The following EVI5L variants were observed in gnomAD, a reference collection of about 807,000 sequenced individuals.
EVI5L encodes EVI5-like protein.
A neutral mutation model predicts 106.1 loss-of-function variants in EVI5L; 30 were observed. The observed-to-expected ratio is 0.28, with a 90% CI of 0.21 to 0.38. EVI5L has a LOEUF of 0.38. EVI5L is among the 10% of genes least tolerant of loss of function. The probability of loss-of-function intolerance (pLI) is 1.00; values close to 1 mark genes in which losing one functional copy is unlikely to be tolerated. For synonymous variants in EVI5L, 489 were observed against 483.3 expected, an observed-to-expected ratio of 1.01 and a Z score of -0.15; for missense variants, 809 against 1,098.0, an observed-to-expected ratio of 0.74 and a Z score of 3.72.
chr19:7,833,555 G>A (rs146270664), intron 1 of EVI5L, among the ~76,000 whole-genome samples: 36 of 152,374 alleles, frequency 2.4e-4, no homozygotes, highest in Non-Finnish European at 4.6e-4. Context: ...GGAAGGCACA[G>A]CAGGGATGAC....
chr19:7,862,281 G>A lies in EVI5L; in HGVS notation c.1800+4G>A. Reference sequence around the variant, plus strand: ...CGTGGTGGAACTTGAGACGCAGGTGGACTCGGGGGGCCTGCTCGTTGGGGA... The same window carrying A: ...CGTGGTGGAACTTGAGACGCAGGTGAACTCGGGGGGCCTGCTCGTTGGGGA... On this transcript the variant is annotated splice_donor_region_variant and intron_variant, in intron 16 of 19. Transcript: ENST00000538904. 6.3e-7 allele frequency: 1 copy of A among 1,582,692 alleles called. No individual in the cohort carries two copies.
chr19:7,843,510 A>AGTGT (rs774352688), intron 1 of EVI5L, among the ~76,000 whole-genome samples: 1 of 50,214 alleles, frequency 2.0e-5, no homozygotes. Context: ...TAGGTGTATG[A>AGTGT]GTGTGTGTGA....
rs866587091 is a variant in EVI5L, at chr19:7,852,956, C to T, written c.988-130C>T. Reference sequence around the variant, plus strand: ...CATTGCTCCACAAACACTGAGGACACGGCGTTGAGGACATGGCGACACCCC... The same window carrying T: ...CATTGCTCCACAAACACTGAGGACATGGCGTTGAGGACATGGCGACACCCC... On this transcript the variant is annotated intron_variant, in intron 8 of 19. Transcript: ENST00000538904. 136 of 783,644 alleles carry T rather than the reference C, an allele frequency of 1.7e-4. 1 individual carries two copies. The Middle Eastern group carries it at 3.2e-3, about 19-fold the overall frequency. 48.5% of individuals were successfully genotyped at this position (783,644 alleles called of 1,614,324 possible). A position where few individuals can be genotyped will look rare whatever the true frequency, so the allele number is the denominator to read the frequency against.
Position 7,850,149 on chromosome 19 carries a change from C to G in EVI5L, c.753+27C>G. On this transcript the variant is annotated intron_variant, in intron 6 of 19. Transcript: ENST00000538904. The surrounding 1 kb of genome is among the most constrained non-coding windows in gnomAD (Gnocchi z 5.4). ...TGAGCAGGGCCGCAGGAGAGCAGGGCTGCAGGAGGGCAGGGCCACAGGTGG... is the reference window on the plus strand; with the variant it reads ...TGAGCAGGGCCGCAGGAGAGCAGGGGTGCAGGAGGGCAGGGCCACAGGTGG... 8 of 1,590,218 alleles carry G rather than the reference C, an allele frequency of 5.0e-6. No individual in the cohort carries two copies. The highest frequency in any genetic ancestry group is 6.8e-6 in the Non-Finnish European group (8 of 1,169,258).
At chr19:7,862,896 C>A (rs1347294320) in intron 17 of EVI5L, 76 bp from the exon 18 acceptor site, 35 of 1,104,994 alleles carry the variant, frequency 3.2e-5, no homozygotes, top group Admixed American at 9.4e-5. Flanking sequence ...CTCATTCGCC[C>A]CTGCCCGCGG....
In EVI5L at chr19:7,862,654, G is replaced by A. The variant is rs1240926911; in HGVS notation, c.1947+120G>A. ...TGCCTCCCGATCTGCCCCTGCCCGC[G>A]GTCCTCCCGCCCCCGCCCGCGGCCC... On this transcript the variant is annotated intron_variant, in intron 17 of 19. Transcript: ENST00000538904. The A allele has an allele frequency of 5.5e-6, 5 of 903,002 alleles. No individual in the cohort carries two copies. In the African/African-American group the frequency reaches 7.9e-5, roughly 14 times the overall value. The allele number at this position is 903,002 out of a possible 1,614,324, so 55.9% of individuals were successfully genotyped here.
At chr19:7,849,891 G>A in intron 5 of EVI5L, 106 bp from the exon 6 acceptor site, 2 of 860,570 alleles carry the variant, frequency 2.3e-6, no homozygotes, top group Non-Finnish European at 3.6e-6. Context: ...AGGGAGCCAG[G>A]TACCGACATG....
chr19:7,848,289 T>C lies in EVI5L; in HGVS notation c.327+368T>C, dbSNP rs529937515. Among the ~76,000 whole-genome samples the C allele has an allele frequency of 6.6e-6, 1 of 151,630 alleles. No homozygotes were observed. Among genetic ancestry groups the C allele is most frequent in the Non-Finnish European group, 1.5e-5 (1 of 67,898 alleles). ...GCAACGTAATGAGACTCCGACTCTA[T>C]AAAAAGTTTAAAAATTAGCCAGGTA... On this transcript the variant is annotated intron_variant, in intron 3 of 19. Coordinates refer to ENST00000538904, the MANE Select transcript of EVI5L (RefSeq NM_001159944.3). This position sits in a 1 kb window ranked among gnomAD's most constrained non-coding sequence, Gnocchi z 4.8.
Position 7,848,338 on chromosome 19 carries a change from T to C in EVI5L, c.327+417T>C, listed in dbSNP as rs1448790214. Reference sequence around the variant, plus strand: ...TAGGCCGGGCGCAGTGGCTCACGCCTGTAATCCCAGTTCGTTGGAAGGTCG... The same window carrying C: ...TAGGCCGGGCGCAGTGGCTCACGCCCGTAATCCCAGTTCGTTGGAAGGTCG... On this transcript the variant is annotated intron_variant, in intron 3 of 19. Coordinates refer to ENST00000538904, the MANE Select transcript of EVI5L (RefSeq NM_001159944.3). This position sits in a 1 kb window ranked among gnomAD's most constrained non-coding sequence, Gnocchi z 4.8. Among the ~76,000 whole-genome samples the C allele has an allele frequency of 6.6e-6, 1 of 152,130 alleles. No individual in the cohort carries two copies. Among genetic ancestry groups the C allele is most frequent in the Non-Finnish European group, 1.5e-5 (1 of 68,034 alleles).
Position 7,850,163 on chromosome 19 carries a change from G to A in EVI5L, c.753+41G>A. On this transcript the variant is annotated intron_variant, in intron 6 of 19. Coordinates refer to ENST00000538904, the MANE Select transcript of EVI5L (RefSeq NM_001159944.3). The surrounding 1 kb of genome is among the most constrained non-coding windows in gnomAD (Gnocchi z 5.4). ...GGAGAGCAGGGCTGCAGGAGGGCAG[G>A]GCCACAGGTGGGCAGGGCCGCAAGG... The A allele has an allele frequency of 6.3e-7, 1 of 1,578,466 alleles. No individual in the cohort carries two copies. The highest frequency in any genetic ancestry group is 1.2e-5 in the South Asian group (1 of 86,928).
At position 7,861,954 on chromosome 19, in the gene EVI5L, G is replaced by T. The variant is rs932460134; in HGVS notation, c.1580G>T (p.Gly527Val). The change falls in exon 15 of 20, where the codon GGC (glycine) becomes GTC (valine). Residue 527 changes from glycine (G) to valine (V), a missense_variant. Physicochemically the swap from Gly to Val is moderately radical, Grantham distance 109. This residue lies in a region of EVI5L where 452 missense variants were observed against 509.9 expected (regional missense o/e 0.89). Transcript: ENST00000538904. ...CTGAAGGCGCTCAAGGTGCGGGAAG[G>T]CCAGGCGGTGGCCTCGACGCGAGAG... ...EELKALKVRE[G>V]QAVASTRELK... The T allele has an allele frequency of 4.5e-6, 7 of 1,549,848 alleles. No individual in the cohort carries two copies. The highest frequency in any genetic ancestry group is 6.1e-6 in the Non-Finnish European group (7 of 1,146,880).
At position 7,858,034 on chromosome 19, in the gene EVI5L, C is replaced by T. The variant is rs756432653; in HGVS notation, c.1234-157C>T. On this transcript the variant is annotated intron_variant, in intron 12 of 19. Coordinates refer to ENST00000538904, the MANE Select transcript of EVI5L (RefSeq NM_001159944.3). This position sits in a 1 kb window ranked among gnomAD's most constrained non-coding sequence, Gnocchi z 5.7. The stretch of plus-strand genomic sequence containing the variant: ...TGTCACCCACCCACGTCCCCAGGCC[C>T]AGTGGGACGCTCATCCCAGGCTCTG... 4.9e-6 allele frequency: 4 copies of T among 821,230 alleles called. No homozygotes were observed. Among genetic ancestry groups the T allele is most frequent in the Non-Finnish European group, 3.7e-6 (2 of 534,694 alleles). 50.9% of individuals were successfully genotyped at this position (821,230 alleles called of 1,614,324 possible).
At chr19:7,843,565 T>A (rs1345783736) in intron 1 of EVI5L, among the ~76,000 whole-genome samples, 1 of 45,778 alleles carries the variant, frequency 2.2e-5, no homozygotes, top group Non-Finnish European at 5.5e-5. Context: ...TGTATAGGTA[T>A]GTGAGTGTGA....
In EVI5L at chr19:7,854,080, G is replaced by A. The variant is rs191869904; in HGVS notation, c.1146+747G>A. On this transcript the variant is annotated intron_variant, in intron 10 of 19. Coordinates refer to ENST00000538904, the MANE Select transcript of EVI5L (RefSeq NM_001159944.3). ...GTGGATCACTTGAGGTCAGGAGTTC[G>A]AGACCAGCCTGGCTAATGCAGTGAA... Among the ~76,000 whole-genome samples, 59 of 152,096 alleles carry A rather than the reference G, an allele frequency of 3.9e-4. No individual in the cohort carries two copies. In the East Asian group the frequency reaches 8.7e-3, roughly 22 times the overall value.
intron 2 of EVI5L, 107 bp from the exon 3 acceptor site, chr19:7,847,625 C>T (rs1223757528): frequency 3.5e-6 from 4 of 1,146,020 alleles, no homozygotes; most frequent in African/African-American, 1.6e-5. Context: ...GGACCTAATC[C>T]CTGGTGTCCT....
rs1979023352 is a variant in EVI5L, at chr19:7,847,738, G to A, written c.144G>A (p.Leu48=). ...GTCGGCCCTTCCTGCCCAGGCTCCT[G>A]GAGGCCGACTCCAAGTCCATGCGCT... is the stretch of plus-strand genomic sequence containing the variant. The part of the protein sequence containing the change: ...LAKLEEQNRL[L]EADSKSMRSM... The change falls in exon 3 of 20, where the codon CTG becomes CTA. Residue 48 remains leucine, a synonymous_variant. Coordinates refer to ENST00000538904, the MANE Select transcript of EVI5L (RefSeq NM_001159944.3). The A allele has an allele frequency of 3.1e-6, 5 of 1,611,728 alleles. No individual in the cohort carries two copies. The highest frequency in any genetic ancestry group is 2.2e-5 in the East Asian group (1 of 44,838).
Position 7,858,856 on chromosome 19 carries a change from G to GC in EVI5L, c.1374+525_1374+526insC, listed in dbSNP as rs1979662416. The GC allele has an allele frequency of 1.3e-5, 2 of 153,238 alleles. No individual in the cohort carries two copies. Among genetic ancestry groups the GC allele is most frequent in the African/African-American group, 4.8e-5 (2 of 41,488 alleles). The allele number at this position is 153,238 out of a possible 1,614,324, so 9.5% of individuals were successfully genotyped here. A position where few individuals can be genotyped will look rare whatever the true frequency, so the allele number is the denominator to read the frequency against. On this transcript the variant is annotated intron_variant, in intron 13 of 19. Transcript: ENST00000538904. The surrounding 1 kb of genome is among the most constrained non-coding windows in gnomAD (Gnocchi z 5.7). Reference sequence around the variant, plus strand: ...GGTCCCATGATGGGCAGGCCCATGAGTGGGGCCCCACCCCAAGATTTTCTT... The same window carrying GC: ...GGTCCCATGATGGGCAGGCCCATGAGCTGGGGCCCCACCCCAAGATTTTCTT...
In EVI5L at chr19:7,856,142, C is replaced by G. The variant is rs376812270; in HGVS notation, c.1200+74C>G. On this transcript the variant is annotated intron_variant, in intron 11 of 19. Transcript: ENST00000538904. This position sits in a 1 kb window ranked among gnomAD's most constrained non-coding sequence, Gnocchi z 6.6. ...CACCATGCGGGGCATGGCCGCTAAC[C>G]TGGGGTGGACTCCTCCAAGTCTTCT... is the stretch of plus-strand genomic sequence containing the variant. 1.6e-6 allele frequency: 2 copies of G among 1,262,346 alleles called. No individual in the cohort carries two copies. The highest frequency in any genetic ancestry group is 1.0e-6 in the Non-Finnish European group (1 of 977,254). 78.2% of individuals were successfully genotyped at this position (1,262,346 alleles called of 1,614,324 possible).
At chr19:7,843,120 T>C (rs1395900033) in intron 1 of EVI5L, among the ~76,000 whole-genome samples, 3 of 113,612 alleles carry the variant, frequency 2.6e-5, no homozygotes, top group African/African-American at 6.8e-5. Context: ...GGTGTGTGTG[T>C]CATGTGCATG....
Sources: gnomAD v4.1 joint callset for allele counts (sites outside exome capture counted in the v4.1 genomes callset) on GRCh38, gnomAD v4.1.1 for gene constraint, gnomAD v4.1.1 regional missense constraint, Gnocchi (gnomAD v3.1) non-coding constraint, MANE v1.5 for transcripts, NCBI Gene and HGNC (gene_info 2026-07-23, HGNC 2026-07-21) for gene names.